Variants in HDAC4 observed in about 807,000 individuals in gnomAD.
The protein encoded by HDAC4 is histone deacetylase A.
Under a neutral mutation model 135.1 loss-of-function variants are expected in HDAC4, and 16 were observed. That is an observed-to-expected ratio of 0.12 (90% CI 0.08 to 0.18). The LOEUF is 0.18. Ranked by LOEUF, HDAC4 falls within the 10% of genes least tolerant of loss-of-function variation. The probability of loss-of-function intolerance (pLI) is 1.00; values close to 1 mark genes in which losing one functional copy is unlikely to be tolerated. For synonymous variants in HDAC4, 685 were observed against 653.4 expected (o/e 1.05, Z -0.74); for missense variants, 1,143 against 1,511.8 (o/e 0.76, Z 4.05).
chr2:239,366,577 A>G (rs1204482562), intron 1 of HDAC4, among the ~76,000 whole-genome samples: 1 of 152,234 alleles, frequency 6.6e-6, no homozygotes, highest in Admixed American at 6.5e-5. Flanking sequence ...GAAGAGTCCA[A>G]ATGGAGAAGG....
chr2:239,208,783 A>G (rs2046206479), intron 3 of HDAC4, among the ~76,000 whole-genome samples: 1 of 152,256 alleles, frequency 6.6e-6, no homozygotes, highest in Admixed American at 6.5e-5. Flanking sequence ...CAAGCAGAAA[A>G]CCTAACATAA....
intron 4 of HDAC4, among the ~76,000 whole-genome samples, 177 bp downstream of exon 4, chr2:239,189,656 C>T (rs546201475): frequency 3.3e-4 from 51 of 152,336 alleles, no homozygotes; most frequent in African/African-American, 1.1e-3. Context: ...CCACAATACA[C>T]GCAAGTGCTG....
chr2:239,190,178 G>GGT, intron 3 of HDAC4, 101 bp from the exon 4 acceptor site: 2 of 1,438,362 alleles, frequency 1.4e-6, no homozygotes, highest in Non-Finnish European at 9.2e-7. Context: ...ACGGGGCGGG[G>GGT]GGGGGGTTGT....
intron 20 of HDAC4, 145 bp from the exon 21 acceptor site, chr2:239,082,366 G>A (rs112148686): frequency 5.1e-5 from 55 of 1,082,170 alleles, no homozygotes; most frequent in African/African-American, 1.7e-4. Flanking sequence ...GCCCGTACCC[G>A]GCAGGCGCGA....
At chr2:239,182,059 G>A (rs1281181372) in intron 4 of HDAC4, among the ~76,000 whole-genome samples, 2 of 152,196 alleles carry the variant, frequency 1.3e-5, no homozygotes, top group Admixed American at 6.5e-5. Context: ...ATCTGGGCAT[G>A]TACAGATTCA....
chr2:239,144,838 T>C (rs916565987), intron 7 of HDAC4, 124 bp from the exon 8 acceptor site: 3 of 955,222 alleles, frequency 3.1e-6, no homozygotes, highest in Admixed American at 3.8e-5. Context: ...GCTGTGTTGC[T>C]GCAGGGGAGA....
rs114831484 is a variant in HDAC4, at chr2:239,054,791, C to T, written c.3046G>A (p.Ala1016Thr). Residue 1016 changes from alanine (A) to threonine (T), a missense_variant, in exon 25 of 27, where the codon GCA becomes ACA. Transcript: ENST00000543185. ...PEKVLQQRPN[A>T]NAVRSMEKVM... Reference sequence around the variant, plus strand: ...TTCTCCATGGAACGGACAGCGTTTGCATTGGGTCTTTGCTGTAAAACCTTT... The same window carrying T: ...TTCTCCATGGAACGGACAGCGTTTGTATTGGGTCTTTGCTGTAAAACCTTT... 5.4e-5 allele frequency: 87 copies of T among 1,613,720 alleles called. No homozygotes were observed. In the East Asian group the frequency reaches 1.8e-3, roughly 33 times the overall value.
At chr2:239,210,866 C>A (rs1002483895) in intron 3 of HDAC4, among the ~76,000 whole-genome samples, 3 of 152,172 alleles carry the variant, frequency 2.0e-5, no homozygotes, top group Non-Finnish European at 4.4e-5. Context: ...CCAGCTCCTG[C>A]GGCACCTTCC....
At position 239,060,977 on chromosome 2, in the gene HDAC4, C is replaced by T. The variant is rs79166851; in HGVS notation, c.3003+5745G>A. 3.9e-4 allele frequency among the ~76,000 whole-genome samples: 59 copies of T among 152,364 alleles called. No homozygotes were observed. The East Asian group carries it at 7.9e-3, about 20-fold the overall frequency. On this transcript the variant is annotated intron_variant, in intron 24 of 26. Transcript: ENST00000543185. ...ACAGCTCCTTCAACTCTGAAGGCCA[C>T]GAGGCTGGGCTCTGTCTTGCTGAAA...
intron 16 of HDAC4, among the ~76,000 whole-genome samples, chr2:239,098,577 G>A (rs2037328876): frequency 1.3e-5 from 2 of 152,256 alleles, no homozygotes; most frequent in South Asian, 4.1e-4. Flanking sequence ...GCCTAGGGCA[G>A]CGGCCAGCCT....
chr2:239,282,883 T>C (rs1385207778), intron 2 of HDAC4, among the ~76,000 whole-genome samples: 2 of 137,118 alleles, frequency 1.5e-5, no homozygotes, highest in African/African-American at 2.8e-5. Context: ...TCCATGTACA[T>C]ACCACTCTAC....
chr2:239,049,108 A>G lies in HDAC4; in HGVS notation c.*3989T>C, dbSNP rs2030431822. ...AGTTTCCCTAAAACACTGTTTCCACATAAATACAATAAACTCTATTATTGG... is the reference window on the plus strand; with the variant it reads ...AGTTTCCCTAAAACACTGTTTCCACGTAAATACAATAAACTCTATTATTGG... On this transcript the variant is annotated 3_prime_UTR_variant, in exon 27 of 27. Coordinates refer to ENST00000543185, the MANE Select transcript of HDAC4 (RefSeq NM_001378414.1). 6.6e-6 allele frequency: 1 copy of G among 152,322 alleles called. No individual in the cohort carries two copies. Among genetic ancestry groups the G allele is most frequent in the South Asian group, 2.1e-4 (1 of 4,836 alleles). 9.4% of individuals were successfully genotyped at this position (152,322 alleles called of 1,614,324 possible).
At chr2:239,315,278 G>C (rs1453248985) in intron 2 of HDAC4, among the ~76,000 whole-genome samples, 1 of 152,106 alleles carries the variant, frequency 6.6e-6, no homozygotes, top group East Asian at 1.9e-4. Context: ...CGACCACCTT[G>C]GGCACATGTT....
At chr2:239,360,686 G>A (rs917198798) in intron 1 of HDAC4, among the ~76,000 whole-genome samples, 1 of 151,706 alleles carries the variant, frequency 6.6e-6, no homozygotes. Flanking sequence ...ACAGGGAGCG[G>A]GGACGCCCGA....
intron 2 of HDAC4, among the ~76,000 whole-genome samples, chr2:239,320,155 G>A (rs191998481): frequency 1.1e-3 from 161 of 152,240 alleles, no homozygotes; most frequent in African/African-American, 3.7e-3. Flanking sequence ...GGCCGAAGCA[G>A]GCGGATCACC....
intron 2 of HDAC4, among the ~76,000 whole-genome samples, chr2:239,347,232 TTAAAA>T (rs972662792): frequency 1.3e-5 from 2 of 152,186 alleles, no homozygotes; most frequent in African/African-American, 2.4e-5. Context: ...GCCACAATAG[TTAAAA>T]TAAACAGATT....
At chr2:239,088,128 G>T (rs2036165206) in intron 18 of HDAC4, among the ~76,000 whole-genome samples, 1 of 152,196 alleles carries the variant, frequency 6.6e-6, no homozygotes, top group African/African-American at 2.4e-5. Context: ...GGGCAAGTGG[G>T]CAGCCCACGA....
intron 2 of HDAC4, among the ~76,000 whole-genome samples, chr2:239,269,815 G>C (rs1343455355): frequency 2.6e-5 from 4 of 152,192 alleles, no homozygotes; most frequent in Non-Finnish European, 5.9e-5. Context: ...AAGGGAAAAA[G>C]TACAAACTGT....
rs1202419891 is a variant in HDAC4, at chr2:239,052,761, G to A, written c.*336C>T. 1.0e-5 allele frequency: 4 copies of A among 394,738 alleles called. No homozygotes were observed. The highest frequency in any genetic ancestry group is 1.4e-5 in the Non-Finnish European group (3 of 214,806). 24.5% of individuals were successfully genotyped at this position (394,738 alleles called of 1,614,324 possible). On this transcript the variant is annotated 3_prime_UTR_variant, in exon 27 of 27. Transcript: ENST00000543185. ...CTGTGCCTCGTGTCAACTGAATTCGGCAGCTCGGCCGCCTGTTGCCACAGG... is the reference window on the plus strand; with the variant it reads ...CTGTGCCTCGTGTCAACTGAATTCGACAGCTCGGCCGCCTGTTGCCACAGG...
Sources: gnomAD v4.1 joint callset for allele counts (sites outside exome capture counted in the v4.1 genomes callset) on GRCh38, gnomAD v4.1.1 for gene constraint, MANE v1.5 for transcripts, NCBI Gene and HGNC (gene_info 2026-07-23, HGNC 2026-07-21) for gene names.